Variants in YEATS2 observed in about 807,000 individuals in gnomAD.
YEATS2 encodes the protein YEATS domain containing 2.
In YEATS2, 77 loss-of-function variants were observed where a neutral mutation model predicts 163.2. That is an observed-to-expected ratio of 0.47 (90% CI 0.39 to 0.57). The LOEUF is 0.57. Among genes scored for constraint, YEATS2 ranks in the 20% least tolerant of loss-of-function variants. The pLI, the probability that YEATS2 is intolerant of heterozygous loss-of-function variation, is 0.00. For missense variants in YEATS2, 1,549 were observed against 1,729.8 expected (o/e 0.90, Z 1.85); for synonymous variants, 631 against 645.1 (o/e 0.98, Z 0.33).
chr3:183,759,606 C>T (rs1721135458), intron 13 of YEATS2, among the ~76,000 whole-genome samples: 2 of 152,266 alleles, frequency 1.3e-5, no homozygotes, highest in African/African-American at 2.4e-5. Context: ...TCTGACAGCA[C>T]GTTCCTATCT....
Position 183,777,525 on chromosome 3 carries a change from A to G in YEATS2, c.2578-17A>G. 1 of 1,611,060 alleles carries G rather than the reference A, an allele frequency of 6.2e-7. No homozygotes were observed. Among genetic ancestry groups the G allele is most frequent in the Non-Finnish European group, 8.5e-7 (1 of 1,178,952 alleles). On this transcript the variant is annotated splice_polypyrimidine_tract_variant and intron_variant, in intron 18 of 30. Transcript: ENST00000305135. ...AACAAATTACCGATTAGTTCTTTAT[A>G]TTTTTTTCTAACTTAGGGCACATTT...
At chr3:183,735,720 G>A (rs1243572644) in intron 7 of YEATS2, among the ~76,000 whole-genome samples, 1 of 150,198 alleles carries the variant, frequency 6.7e-6, no homozygotes, top group African/African-American at 2.5e-5. Context: ...ATGGAGTCTT[G>A]CTCTGTCTCA....
At chr3:183,798,378 G>C (rs763031838) in intron 22 of YEATS2, among the ~76,000 whole-genome samples, 103 of 152,282 alleles carry the variant, frequency 6.8e-4, no homozygotes, top group Non-Finnish European at 1.2e-3. Flanking sequence ...TTTTGAGACA[G>C]AGTTTTGCTC....
At chr3:183,807,317 A>G in intron 28 of YEATS2, 1 of 528,582 alleles carries the variant, frequency 1.9e-6, no homozygotes, top group East Asian at 3.2e-5. Context: ...CAGAAATGCT[A>G]ATTACATGTG....
At chr3:183,715,543 T>A (rs1193779766) in intron 2 of YEATS2, among the ~76,000 whole-genome samples, 1 of 152,194 alleles carries the variant, frequency 6.6e-6, no homozygotes, top group Non-Finnish European at 1.5e-5. Context: ...GTCTATGATA[T>A]GTATAAAGGT....
intron 21 of YEATS2, chr3:183,793,486 A>T: frequency 1.1e-6 from 1 of 893,248 alleles, no homozygotes; most frequent in Non-Finnish European, 1.3e-6. Flanking sequence ...TATTATAATA[A>T]TGAATACCTT....
Position 183,762,189 on chromosome 3 carries a change from A to AGGGGGTCACATGATAGCTGTGTCCCC in YEATS2, c.1858_1883dup (p.Gln629GlyfsTer4). 6.2e-7 allele frequency: 1 copy of AGGGGGTCACATGATAGCTGTGTCCCC among 1,614,180 alleles called. No individual in the cohort carries two copies. The stretch of plus-strand genomic sequence containing the variant: ...CACTCCCGCAGTATGTGACTGTGAA[A>AGGGGGTCACATGATAGCTGTGTCCCC]GGGGGTCACATGATAGCTGTGTCCC... On this transcript the variant is annotated frameshift_variant, in exon 15 of 31. Coordinates refer to ENST00000305135, the MANE Select transcript of YEATS2 (RefSeq NM_018023.5). LOFTEE classifies it high-confidence loss of function.
intron 1 of YEATS2, among the ~76,000 whole-genome samples, chr3:183,713,293 G>A (rs2314086): frequency 0.43 from 65,890 of 152,064 alleles, 15,482 homozygotes; most frequent in African/African-American, 0.62. Context: ...GGCTGGGCAC[G>A]GTGGCTCACA....
rs73175361 is a variant in YEATS2 at position 183,797,957 on chromosome 3, G to A, written c.3132G>A (p.Pro1044=). The A allele has an allele frequency of 8.2e-5, 133 of 1,614,092 alleles. No homozygotes were observed. In the East Asian group the frequency reaches 1.0e-3, roughly 12 times the overall value. ...AGATTCACTCCAGTCAGTCCAGTCC[G>A]CAGCAGGCCGTCCTGACGATTCCCA... ...LLKIHSSQSS[P]QQAVLTIPSQ... Residue 1044 remains proline (P), a synonymous_variant, in exon 22 of 31, where the codon CCG becomes CCA. Transcript: ENST00000305135.
intron 19 of YEATS2, among the ~76,000 whole-genome samples, chr3:183,784,383 A>T (rs1301539073): frequency 6.6e-6 from 1 of 152,070 alleles, no homozygotes; most frequent in Non-Finnish European, 1.5e-5. Flanking sequence ...CTACTTGTAT[A>T]TCTTCTTTTG....
At position 183,799,833 on chromosome 3, in the gene YEATS2, T is replaced by C. The variant is rs1164625518; in HGVS notation, c.3326-633T>C. On this transcript the variant is annotated intron_variant, in intron 23 of 30. Transcript: ENST00000305135. ...AGTAGCATTGTTTTTTTTTTTTTTC[T>C]TTTTTTTTTTTTGTTTTGAGATGGA... 3.1e-3 allele frequency among the ~76,000 whole-genome samples: 397 copies of C among 128,776 alleles called. 2 individuals carry two copies. Among genetic ancestry groups the C allele is most frequent in the African/African-American group, 0.013 (379 of 28,832 alleles). The allele number at this position is 128,776 out of a possible 152,430, so 84.5% of individuals were successfully genotyped here. A position where few individuals can be genotyped will look rare whatever the true frequency, so the allele number is the denominator to read the frequency against.
At chr3:183,699,528 G>A (rs911563488) in intron 1 of YEATS2, among the ~76,000 whole-genome samples, 1 of 151,482 alleles carries the variant, frequency 6.6e-6, no homozygotes, top group Non-Finnish European at 1.5e-5. Flanking sequence ...TGGCTACAAG[G>A]CAGGAAGGAC....
Position 183,728,772 on chromosome 3 carries a change from C to G in YEATS2, c.733C>G (p.Pro245Ala), listed in dbSNP as rs1717398318. 6.2e-7 allele frequency: 1 copy of G among 1,614,006 alleles called. No individual in the cohort carries two copies. Among genetic ancestry groups the G allele is most frequent in the Non-Finnish European group, 8.5e-7 (1 of 1,179,944 alleles). ...ATATGTCCGAGGGTCCCGTAGAGAA[C>G]CCAGCATTAATCATTTTGTCAAGAA... is the stretch of plus-strand genomic sequence containing the variant. ...MVYVRGSRRE[P>A]SINHFVKKVW... Residue 245 changes from proline (P) to alanine (A), a missense_variant, in exon 7 of 31, where the codon CCC (proline) becomes GCC (alanine). Physicochemically the swap from Pro to Ala is conservative, Grantham distance 27. Coordinates refer to ENST00000305135, the MANE Select transcript of YEATS2 (RefSeq NM_018023.5).
chr3:183,741,697 A>G (rs138874051), intron 8 of YEATS2, among the ~76,000 whole-genome samples: 4,212 of 152,096 alleles, frequency 0.028, 186 homozygotes, highest in African/African-American at 0.095. Flanking sequence ...CAGGAGAATC[A>G]CTTGAACCCA....
At chr3:183,755,871 CGAG>C (rs887270054) in intron 11 of YEATS2, among the ~76,000 whole-genome samples, 3 of 150,432 alleles carry the variant, frequency 2.0e-5, no homozygotes, top group African/African-American at 4.9e-5. Context: ...CTCAGCCTCT[CGAG>C]GAGCTGGGAT....
chr3:183,806,844 A>G lies in YEATS2; in HGVS notation c.3785-22A>G, dbSNP rs1311025569. On this transcript the variant is annotated intron_variant, in intron 27 of 30. Transcript: ENST00000305135. ...TTCCGTTGGCCCCACAGCTGTTGTA[A>G]CACTGCTTGCCTGTCATTTAGAGTG... The G allele has an allele frequency of 1.9e-6, 3 of 1,613,492 alleles. No individual in the cohort carries two copies. The Admixed American group carries it at 5.0e-5, about 27-fold the overall frequency.
At position 183,721,918 on chromosome 3, in the gene YEATS2, T is replaced by G. The variant is rs895743441; in HGVS notation, c.319T>G (p.Phe107Val). 3.7e-6 allele frequency: 6 copies of G among 1,614,168 alleles called. No individual in the cohort carries two copies. In the African/African-American group the frequency reaches 8.0e-5, roughly 22 times the overall value. The part of the protein sequence containing the change: ...EGSKTCDTMV[F>V]NHPAIKKFLE... Reference sequence around the variant, plus strand: ...ATCAAAGACATGTGATACAATGGTTTTTAATCATCCTGCTATCAAGAAATT... The same window carrying G: ...ATCAAAGACATGTGATACAATGGTTGTTAATCATCCTGCTATCAAGAAATT... Residue 107 changes from phenylalanine (F) to valine (V), a missense_variant, in exon 5 of 31, where the codon TTT (phenylalanine) becomes GTT (valine). Phe to Val is a conservative substitution (Grantham distance 50). Coordinates refer to ENST00000305135, the MANE Select transcript of YEATS2 (RefSeq NM_018023.5).
intron 19 of YEATS2, among the ~76,000 whole-genome samples, chr3:183,784,987 C>T (rs369519179): frequency 6.6e-6 from 1 of 151,772 alleles, no homozygotes; most frequent in African/African-American, 2.4e-5. Context: ...GCAGGAGAAT[C>T]GCTTGAACCC....
chr3:183,792,204 T>C (rs753113867), intron 21 of YEATS2, among the ~76,000 whole-genome samples: 2 of 152,186 alleles, frequency 1.3e-5, no homozygotes, highest in Non-Finnish European at 2.9e-5. Context: ...AGTATACATG[T>C]GCCATGGTGG....
Sources: gnomAD v4.1 joint callset for allele counts (sites outside exome capture counted in the v4.1 genomes callset) on GRCh38, gnomAD v4.1.1 for gene constraint, MANE v1.5 for transcripts, NCBI Gene and HGNC (gene_info 2026-07-23, HGNC 2026-07-21) for gene names.